Variants in ZMYM4 observed in about 807,000 individuals in gnomAD.
ZMYM4 encodes the protein zinc finger MYM-type protein 4.
ZMYM4 carries 31 observed loss-of-function variants against 183.2 expected under a neutral mutation model. The ratio of observed to expected loss-of-function variants is 0.17; its 90% CI spans 0.13 to 0.23. ZMYM4 has a LOEUF of 0.23. Among genes scored for constraint, ZMYM4 ranks in the 10% least tolerant of loss-of-function variants. The pLI, the probability that ZMYM4 is intolerant of heterozygous loss-of-function variation, is 1.00. For missense variants in ZMYM4, 1,273 were observed against 1,840.3 expected (o/e 0.69, Z 5.64); for synonymous variants, 592 against 631.2 (o/e 0.94, Z 0.93).
intron 23 of ZMYM4, chr1:35,399,869 C>T (rs1174513124): frequency 7.4e-6 from 2 of 271,150 alleles, no homozygotes; most frequent in African/African-American, 4.5e-5. Context: ...CTAAATTTAG[C>T]TCTTTTTACA....
chr1:35,366,120 A>G (rs953339799), intron 5 of ZMYM4: 2 of 152,190 alleles, frequency 1.3e-5, no homozygotes, highest in African/African-American at 4.8e-5. Flanking sequence ...TCTTTAATAC[A>G]CTATATAATG....
intron 1 of ZMYM4, among the ~76,000 whole-genome samples, chr1:35,306,446 C>G (rs1175753059): frequency 6.6e-6 from 1 of 152,156 alleles, no homozygotes. Flanking sequence ...TTTTGATACT[C>G]AAATTATCCC....
At chr1:35,395,213 T>TA (rs964502383) in intron 18 of ZMYM4, among the ~76,000 whole-genome samples, 3 of 151,572 alleles carry the variant, frequency 2.0e-5, no homozygotes, top group African/African-American at 2.4e-5. Flanking sequence ...TTTTTTTTTT[T>TA]AATCAATAGC....
chr1:35,299,780 C>G (rs1641189661), intron 1 of ZMYM4, among the ~76,000 whole-genome samples: 1 of 151,398 alleles, frequency 6.6e-6, no homozygotes. Context: ...AACAGAGATT[C>G]TTTCTTTCTT....
At chr1:35,372,793 C>T (rs922714392) in intron 7 of ZMYM4, among the ~76,000 whole-genome samples, 5 of 152,154 alleles carry the variant, frequency 3.3e-5, no homozygotes, top group Non-Finnish European at 7.4e-5. Context: ...ATCATGTTGG[C>T]GCTCAAAAAG....
intron 2 of ZMYM4, among the ~76,000 whole-genome samples, chr1:35,349,553 C>T (rs201415088): frequency 2.0e-5 from 3 of 151,986 alleles, no homozygotes; most frequent in African/African-American, 7.2e-5. Flanking sequence ...AGCGGCCGAG[C>T]GCGGTGGCTC....
intron 1 of ZMYM4, among the ~76,000 whole-genome samples, chr1:35,278,667 C>T (rs1639997521): frequency 6.6e-6 from 1 of 152,022 alleles, no homozygotes; most frequent in African/African-American, 2.4e-5. Context: ...GTGATCTGCC[C>T]GCCTCGGCCT....
rs77094563 is a variant in ZMYM4 at position 35,413,947 on chromosome 1, A to G, written c.3949-25A>G. On this transcript the variant is annotated intron_variant, in intron 26 of 29. Transcript: ENST00000314607. ...TCATGTTTTCTTTTTATCAACATGT[A>G]TATTTTCTTTTTTTTTTCTTGTAGT... 1,526 of 1,268,964 alleles carry G rather than the reference A, an allele frequency of 1.2e-3. 19 individuals carry two copies. In the East Asian group the frequency reaches 0.032, roughly 27 times the overall value. 78.6% of individuals were successfully genotyped at this position (1,268,964 alleles called of 1,614,324 possible). A position where few individuals can be genotyped will look rare whatever the true frequency, so the allele number is the denominator to read the frequency against.
At chr1:35,408,238 A>G (rs1188977917) in intron 26 of ZMYM4, 79 bp downstream of exon 26, 9 of 1,527,180 alleles carry the variant, frequency 5.9e-6, no homozygotes, top group South Asian at 2.4e-5. Flanking sequence ...TTACATGCAC[A>G]TGTACACACC....
At position 35,418,258 on chromosome 1, in the gene ZMYM4, G is replaced by T. The variant is rs562156689; in HGVS notation, c.4310-185G>T. Among the ~76,000 whole-genome samples, 49 of 152,296 alleles carry T rather than the reference G, an allele frequency of 3.2e-4. 1 individual carries two copies. Among genetic ancestry groups the T allele is most frequent in the African/African-American group, 1.2e-3 (49 of 41,550 alleles). On this transcript the variant is annotated intron_variant, in intron 28 of 29. Coordinates refer to ENST00000314607, the MANE Select transcript of ZMYM4 (RefSeq NM_005095.3). ...GATAGGGACTTTGTTTAATGCCATA[G>T]AATCCAGCACTTAAAATAATGTCTG...
chr1:35,382,504 G>A (rs1252893963), intron 9 of ZMYM4, among the ~76,000 whole-genome samples: 3 of 149,690 alleles, frequency 2.0e-5, no homozygotes, highest in African/African-American at 7.4e-5. Context: ...AGGCTGGAGT[G>A]TGATCCCGGC....
At chr1:35,274,166 T>A (rs943707615) in intron 1 of ZMYM4, among the ~76,000 whole-genome samples, 26 of 152,238 alleles carry the variant, frequency 1.7e-4, no homozygotes, top group African/African-American at 5.8e-4. Context: ...ATTTGCGGTT[T>A]ATATGTATGC....
intron 2 of ZMYM4, among the ~76,000 whole-genome samples, chr1:35,346,661 A>G (rs975905683): frequency 6.6e-6 from 1 of 150,896 alleles, no homozygotes; most frequent in Non-Finnish European, 1.5e-5. Flanking sequence ...AAAAAAAAAA[A>G]AAAAAAAAAG....
intron 1 of ZMYM4, among the ~76,000 whole-genome samples, chr1:35,279,822 TA>T (rs1477680886): frequency 4.6e-5 from 7 of 152,202 alleles, no homozygotes; most frequent in African/African-American, 1.7e-4. Context: ...ATTCTTTATT[TA>T]CTTCTGAGAC....
chr1:35,321,758 G>A (rs1003605077), intron 1 of ZMYM4, among the ~76,000 whole-genome samples: 1 of 152,046 alleles, frequency 6.6e-6, no homozygotes, highest in African/African-American at 2.4e-5. Flanking sequence ...ACTGGGCATG[G>A]TGGTGTGTTC....
In ZMYM4 at chr1:35,319,552, G is replaced by T. The variant is rs182074194; in HGVS notation, c.40-5808G>T. On this transcript the variant is annotated intron_variant, in intron 1 of 29. Coordinates refer to ENST00000314607, the MANE Select transcript of ZMYM4 (RefSeq NM_005095.3). ...GTGGGAGGATCCCTTGAGCTCAGGA[G>T]TTTGAGGCTGCAGTGAGCCATGATC... 3.5e-3 allele frequency among the ~76,000 whole-genome samples: 527 copies of T among 152,248 alleles called. 2 individuals are homozygous for T. Among genetic ancestry groups the T allele is most frequent in the Non-Finnish European group, 4.8e-3 (328 of 68,012 alleles).
chr1:35,284,491 A>G (rs1640370646), intron 1 of ZMYM4, among the ~76,000 whole-genome samples: 1 of 152,066 alleles, frequency 6.6e-6, no homozygotes, highest in Non-Finnish European at 1.5e-5. Flanking sequence ...TCCAGTTTCA[A>G]TCTTTTGTGT....
In ZMYM4 at chr1:35,323,469, C is replaced by A. The variant is rs1217546844; in HGVS notation, c.40-1891C>A. Among the ~76,000 whole-genome samples the A allele has an allele frequency of 2.0e-5, 3 of 152,136 alleles. No individual in the cohort carries two copies. In the East Asian group the frequency reaches 5.8e-4, roughly 29 times the overall value. On this transcript the variant is annotated intron_variant, in intron 1 of 29. Transcript: ENST00000314607. The stretch of plus-strand genomic sequence containing the variant: ...CAAACTGTTATTAAACAATGGGATT[C>A]TTCTCAGTGTAGGCAGATGCTTTCA...
intron 1 of ZMYM4, among the ~76,000 whole-genome samples, chr1:35,291,722 A>G (rs192794776): frequency 9.7e-4 from 142 of 146,518 alleles, no homozygotes; most frequent in African/African-American, 3.4e-3. Flanking sequence ...ACTGCAACCT[A>G]TGCCTCCTGA....
Sources: gnomAD v4.1 joint callset for allele counts (sites outside exome capture counted in the v4.1 genomes callset) on GRCh38, gnomAD v4.1.1 for gene constraint, MANE v1.5 for transcripts, NCBI Gene and HGNC (gene_info 2026-07-23, HGNC 2026-07-21) for gene names.